The following KCNS1 variants were observed in gnomAD, a reference collection of about 807,000 sequenced individuals.
The protein encoded by KCNS1 is delayed-rectifier potassium channel regulatory subunit KCNS1.
KCNS1 carries 26 observed loss-of-function variants against 33.1 expected under a neutral mutation model. The ratio of observed to expected loss-of-function variants is 0.79; its 90% CI spans 0.58 to 1.09. The LOEUF (loss-of-function observed/expected upper bound fraction) is 1.09. KCNS1 is among the 50% of genes least tolerant of loss of function. The pLI is 0.00. For missense variants in KCNS1, 702 were observed against 752.4 expected (o/e 0.93, Z 0.78); for synonymous variants, 299 against 338.8 (o/e 0.88, Z 1.29).
In KCNS1 at chr20:45,093,420, GC is replaced by G. The variant is rs1354587182; in HGVS notation, c.*1449del. On this transcript the variant is annotated 3_prime_UTR_variant, in exon 4 of 4. Coordinates refer to ENST00000537075, the MANE Select transcript of KCNS1 (RefSeq NM_001322799.2). ...ATCTTTTTTTCCCCCTCTGAGCTTG[GC>G]ACCCAGTGGGCTGTAGGAATTGGTT... is the stretch of plus-strand genomic sequence containing the variant. The G allele has an allele frequency of 6.6e-6, 1 of 152,044 alleles. No homozygotes were observed. The highest frequency in any genetic ancestry group is 1.5e-5 in the Non-Finnish European group (1 of 68,014). The allele number at this position is 152,044 out of a possible 1,614,324, so 9.4% of individuals were successfully genotyped here. A position where few individuals can be genotyped will look rare whatever the true frequency, so the allele number is the denominator to read the frequency against.
At position 45,091,983 on chromosome 20, in the gene KCNS1, A is replaced by C. The variant is rs1981012519; in HGVS notation, c.*2887T>G. ...GCCATCAAGTTTGTTTGAATTTGTTACAGCAGCTGCTGGAAACTAATATAT... is the reference window on the plus strand; with the variant it reads ...GCCATCAAGTTTGTTTGAATTTGTTCCAGCAGCTGCTGGAAACTAATATAT... On this transcript the variant is annotated 3_prime_UTR_variant, in exon 4 of 4. Coordinates refer to ENST00000537075, the MANE Select transcript of KCNS1 (RefSeq NM_001322799.2). Among the ~76,000 whole-genome samples, 1 of 152,212 alleles carries C rather than the reference A, an allele frequency of 6.6e-6. No individual in the cohort carries two copies. The highest frequency in any genetic ancestry group is 2.4e-5 in the African/African-American group (1 of 41,446).
chr20:45,094,972 C>T lies in KCNS1; in HGVS notation c.1479G>A (p.Ser493=), dbSNP rs754396124. The T allele has an allele frequency of 1.7e-5, 27 of 1,613,660 alleles. No homozygotes were observed. The highest frequency in any genetic ancestry group is 1.0e-4 in the Admixed American group (6 of 59,980). The change falls in exon 4 of 4, where the codon TCG becomes TCA. Residue 493 remains serine, a synonymous_variant. Coordinates refer to ENST00000537075, the MANE Select transcript of KCNS1 (RefSeq NM_001322799.2). ...CTCGGGATGTCTCCAGAGATGCCTC[C>T]GACACCCCATCAATGCTGCTCAGCA... is the stretch of plus-strand genomic sequence containing the variant. ...EDLLSSIDGV[S]EASLETSRET... is the part of the protein sequence containing the mutation.
Position 45,098,562 on chromosome 20 carries a change from G to C in KCNS1, c.210C>G (p.Arg70=). The C allele has an allele frequency of 7.3e-7, 1 of 1,376,620 alleles. No individual in the cohort carries two copies. The highest frequency in any genetic ancestry group is 9.4e-7 in the Non-Finnish European group (1 of 1,064,274). The allele number at this position is 1,376,620 out of a possible 1,614,324, so 85.3% of individuals were successfully genotyped here. The change falls in exon 3 of 4, where the codon CGC becomes CGG. Residue 70 remains arginine (R), a synonymous_variant. Coordinates refer to ENST00000537075, the MANE Select transcript of KCNS1 (RefSeq NM_001322799.2). The surrounding 1 kb of genome is among the most constrained non-coding windows in gnomAD (Gnocchi z 5.2). ...RRQLSARALA[R]FPGTRLGRLQ... Reference sequence around the variant, plus strand: ...GGCGGCCCAGCCGCGTGCCCGGGAAGCGCGCCAGGGCGCGCGCGCTCAGCT... The same window carrying C: ...GGCGGCCCAGCCGCGTGCCCGGGAACCGCGCCAGGGCGCGCGCGCTCAGCT...
rs1462892054 is a variant in KCNS1 at position 45,093,472 on chromosome 20, C to T, written c.*1398G>A. On this transcript the variant is annotated 3_prime_UTR_variant, in exon 4 of 4. Transcript: ENST00000537075. Reference sequence around the variant, plus strand: ...GATCTATTCAACATTTACCAAATACCTACTCTGCACCAAGCCCAGAGTTCA... The same window carrying T: ...GATCTATTCAACATTTACCAAATACTTACTCTGCACCAAGCCCAGAGTTCA... 1.3e-5 allele frequency: 2 copies of T among 152,136 alleles called. No individual in the cohort carries two copies. Among genetic ancestry groups the T allele is most frequent in the Non-Finnish European group, 2.9e-5 (2 of 68,042 alleles). The allele number at this position is 152,136 out of a possible 1,614,324, so 9.4% of individuals were successfully genotyped here. A position where few individuals can be genotyped will look rare whatever the true frequency, so the allele number is the denominator to read the frequency against.
Position 45,098,051 on chromosome 20 carries a change from T to G in KCNS1, c.721A>C (p.Ser241Arg), listed in dbSNP as rs985945503. Reference sequence around the variant, plus strand: ...TCGCGGGCCTGGTACTCGGGCAGGCTGTGGATGCACATGGCGGCGATGGAG... The same window carrying G: ...TCGCGGGCCTGGTACTCGGGCAGGCGGTGGATGCACATGGCGGCGATGGAG... The part of the protein sequence containing the change: ...LASIAAMCIH[S>R]LPEYQAREAA... Residue 241 changes from serine to arginine, a missense_variant, in exon 3 of 4, where the codon AGC (serine) becomes CGC (arginine). Coordinates refer to ENST00000537075, the MANE Select transcript of KCNS1 (RefSeq NM_001322799.2). The surrounding 1 kb of genome is among the most constrained non-coding windows in gnomAD (Gnocchi z 5.2). 3 of 1,543,630 alleles carry G rather than the reference T, an allele frequency of 1.9e-6. No individual in the cohort carries two copies. The highest frequency in any genetic ancestry group is 2.6e-6 in the Non-Finnish European group (3 of 1,144,484).
In KCNS1 at chr20:45,097,890, C is replaced by A; in HGVS notation, c.882G>T (p.Ala294=). 1.9e-6 allele frequency: 3 copies of A among 1,610,334 alleles called. No homozygotes were observed. Among genetic ancestry groups the A allele is most frequent in the Non-Finnish European group, 2.5e-6 (3 of 1,178,544 alleles). ...SFEVSSRLLL[A]PSTRNFFCHP... ...GGCAGAAGAAGTTGCGCGTACTGGG[C>A]GCCAGCAGGAGGCGCGACGACACCT... The change falls in exon 3 of 4, where the codon GCG becomes GCT. Residue 294 remains alanine (A), a synonymous_variant. Transcript: ENST00000537075.
chr20:45,095,098 G>T lies in KCNS1; in HGVS notation c.1353C>A (p.Leu451=). Residue 451 remains leucine (L), a synonymous_variant, in exon 4 of 4, where the codon CTC becomes CTA. Transcript: ENST00000537075. ...CILGGILVVA[L]PITIIFNKFS... ...ACTTGTTGAAGATGATGGTGATGGG[G>T]AGTGCTACCACCAGGATGCCCCCTA... 1.2e-6 allele frequency: 2 copies of T among 1,614,038 alleles called. No individual in the cohort carries two copies. The highest frequency in any genetic ancestry group is 1.7e-6 in the Non-Finnish European group (2 of 1,180,008).
rs145804550 is a variant in KCNS1, at chr20:45,096,806, T to A, written c.1110+856A>T. Among the ~76,000 whole-genome samples, 134 of 152,286 alleles carry A rather than the reference T, an allele frequency of 8.8e-4. No homozygotes were observed. The East Asian group carries it at 0.019, about 21-fold the overall frequency. On this transcript the variant is annotated intron_variant, in intron 3 of 3. Coordinates refer to ENST00000537075, the MANE Select transcript of KCNS1 (RefSeq NM_001322799.2). The stretch of plus-strand genomic sequence containing the variant: ...TATACCCTCGGGACCAAGTCCAAAA[T>A]CATGTGCCAAGACTTCATGACCCTT...
At position 45,097,950 on chromosome 20, in the gene KCNS1, G is replaced by T. The variant is rs1195737868; in HGVS notation, c.822C>A (p.Arg274=). ...EGVRDDPVLR[R]LEYFCIAWFS... The stretch of plus-strand genomic sequence containing the variant: ...ACCAGGCGATGCAGAAGTACTCGAG[G>T]CGTCGCAGCACCGGGTCGTCGCGCA... Residue 274 remains arginine, a synonymous_variant, in exon 3 of 4, where the codon CGC becomes CGA. Transcript: ENST00000537075. The T allele has an allele frequency of 6.4e-7, 1 of 1,572,562 alleles. No individual in the cohort carries two copies. Among genetic ancestry groups the T allele is most frequent in the Admixed American group, 1.9e-5 (1 of 53,696 alleles).
In KCNS1 at chr20:45,094,660, T is replaced by C. The variant is rs1412176446; in HGVS notation, c.*210A>G. The C allele has an allele frequency of 1.8e-6, 1 of 543,118 alleles. No homozygotes were observed. Among genetic ancestry groups the C allele is most frequent in the Non-Finnish European group, 3.3e-6 (1 of 307,192 alleles). The allele number at this position is 543,118 out of a possible 1,614,324, so 33.6% of individuals were successfully genotyped here. A position where few individuals can be genotyped will look rare whatever the true frequency, so the allele number is the denominator to read the frequency against. ...GCTTCATGAATGGCTTGGAGGCAGG[T>C]TTATAAAGCTTTCTGAGTTGCTTGC... On this transcript the variant is annotated 3_prime_UTR_variant, in exon 4 of 4. Transcript: ENST00000537075.
chr20:45,098,119 G>C lies in KCNS1; in HGVS notation c.653C>G (p.Pro218Arg). The C allele has an allele frequency of 1.3e-6, 2 of 1,597,794 alleles. No individual in the cohort carries two copies. The highest frequency in any genetic ancestry group is 1.1e-5 in the South Asian group (1 of 88,374). Reference sequence around the variant, plus strand: ...GGAGACGCAGCTGAAGAGCTTGCTCGGCAGCGAGTAGCCCGGGTTCTCCAT... The same window carrying C: ...GGAGACGCAGCTGAAGAGCTTGCTCCGCAGCGAGTAGCCCGGGTTCTCCAT... ...LTMENPGYSL[P>R]SKLFSCVSIS... The change falls in exon 3 of 4, where the codon CCG becomes CGG. Residue 218 changes from proline (P) to arginine (R), a missense_variant. Coordinates refer to ENST00000537075, the MANE Select transcript of KCNS1 (RefSeq NM_001322799.2). The surrounding 1 kb of genome is among the most constrained non-coding windows in gnomAD (Gnocchi z 5.2).
rs996460139 is a variant in KCNS1 at position 45,097,680 on chromosome 20, C to T, written c.1092G>A (p.Ser364=). 1 of 1,606,276 alleles carries T rather than the reference C, an allele frequency of 6.2e-7. No individual in the cohort carries two copies. The highest frequency in any genetic ancestry group is 1.7e-4 in the Middle Eastern group (1 of 6,052). ...GCCGTACCTTGAGCGTGGCTCCCAG[C>T]GAGCGCAGCCCGGTGGAATGGCGCG... The part of the protein sequence containing the change: ...KLARHSTGLR[S]LGATLKHSYR... Residue 364 remains serine, a synonymous_variant, in exon 3 of 4, where the codon TCG becomes TCA. Coordinates refer to ENST00000537075, the MANE Select transcript of KCNS1 (RefSeq NM_001322799.2).
rs7261171 is a variant in KCNS1 at position 45,097,791 on chromosome 20, G to A, written c.981C>T (p.Gly327=). 5.8e-3 allele frequency: 9,404 copies of A among 1,613,316 alleles called. 388 individuals carry two copies. The African/African-American group carries it at 0.1, about 17-fold the overall frequency. The change falls in exon 3 of 4, where the codon GGC becomes GGT. Residue 327 remains glycine (G), a synonymous_variant. Coordinates refer to ENST00000537075, the MANE Select transcript of KCNS1 (RefSeq NM_001322799.2). ...YLTLLAGVAL[G]DQGGKEFGHL... The stretch of plus-strand genomic sequence containing the variant: ...GGCCGAACTCCTTGCCGCCCTGGTC[G>A]CCCAGTGCCACACCAGCCAGCAGCG...
Position 45,098,788 on chromosome 20 carries a change from G to A in KCNS1, c.77-93C>T. On this transcript the variant is annotated intron_variant, in intron 2 of 3. Transcript: ENST00000537075. This position sits in a 1 kb window ranked among gnomAD's most constrained non-coding sequence, Gnocchi z 5.2. ...CCCCTCCTCCATCCAACCAGCCAAG[G>A]GGTGTTGGAGGCTGTGTGTGAAGCA... The A allele has an allele frequency of 8.6e-7, 1 of 1,159,718 alleles. No individual in the cohort carries two copies. The highest frequency in any genetic ancestry group is 1.1e-6 in the Non-Finnish European group (1 of 898,438). The allele number at this position is 1,159,718 out of a possible 1,614,324, so 71.8% of individuals were successfully genotyped here.
Position 45,093,404 on chromosome 20 carries a change from TC to T in KCNS1, c.*1465del, listed in dbSNP as rs146910106. ...AGGTCTCTCTCTGGCTATCTTTTTT[TC>T]CCCCTCTGAGCTTGGCACCCAGTGG... On this transcript the variant is annotated 3_prime_UTR_variant, in exon 4 of 4. Transcript: ENST00000537075. 0.14 allele frequency: 20,709 copies of T among 152,106 alleles called. 1,514 individuals are homozygous for T. Among genetic ancestry groups the T allele is most frequent in the Middle Eastern group, 0.19 (55 of 294 alleles). 9.4% of individuals were successfully genotyped at this position (152,106 alleles called of 1,614,324 possible). A position where few individuals can be genotyped will look rare whatever the true frequency, so the allele number is the denominator to read the frequency against.
Position 45,095,331 on chromosome 20 carries a change from G to A in KCNS1, c.1120C>T (p.Arg374Cys), listed in dbSNP as rs146346276. Reference protein sequence around the residue: ...SLGATLKHSYREVGILLLYLA... With the variant: ...SLGATLKHSYCEVGILLLYLA... ...TACAGCAGCAAGATGCCCACCTCACGGTAGCTGTGCTGAAAGAGAATGTAG... is the reference window on the plus strand; with the variant it reads ...TACAGCAGCAAGATGCCCACCTCACAGTAGCTGTGCTGAAAGAGAATGTAG... Residue 374 changes from arginine to cysteine, a missense_variant, in exon 4 of 4, where the codon CGT (arginine) becomes TGT (cysteine). Transcript: ENST00000537075. The A allele has an allele frequency of 8.1e-6, 13 of 1,611,958 alleles. No homozygotes were observed. Among genetic ancestry groups the A allele is most frequent in the South Asian group, 2.2e-5 (2 of 90,954 alleles).
Position 45,097,846 on chromosome 20 carries a change from TCG to T in KCNS1, c.924_925del (p.Asp309HisfsTer66), listed in dbSNP as rs758772240. ...ATAGAAGGGCAGCACAGACACAATG[TCG>T]ATGAGGTTGAGCGGGTGGCAGAAGA... On this transcript the variant is annotated frameshift_variant, in exon 3 of 4. Transcript: ENST00000537075. LOFTEE classifies it high-confidence loss of function. 1.7e-5 allele frequency: 28 copies of T among 1,613,442 alleles called. No homozygotes were observed. The highest frequency in any genetic ancestry group is 2.4e-5 in the Non-Finnish European group (28 of 1,179,918).
chr20:45,099,116 C>G (rs1024251935), intron 2 of KCNS1, 45 bp downstream of exon 2: 1 of 1,547,682 alleles, frequency 6.5e-7, no homozygotes, highest in African/African-American at 1.4e-5. Context: ...GCCCGCCAGC[C>G]CTCTGAACCT....
At chr20:45,096,163 A>G (rs1251018618) in intron 3 of KCNS1, among the ~76,000 whole-genome samples, 1 of 152,192 alleles carries the variant, frequency 6.6e-6, no homozygotes. Context: ...ACGCAATCGC[A>G]TAGTCTTGGG....
Sources: allele counts gnomAD v4.1 joint callset (sites outside exome capture counted in the v4.1 genomes callset), GRCh38; gene constraint gnomAD v4.1.1; non-coding constraint Gnocchi (gnomAD v3.1); transcripts MANE v1.5; gene names NCBI Gene and HGNC (gene_info 2026-07-23, HGNC 2026-07-21).